GALNT17: variants seen among roughly 807,000 people sequenced by gnomAD.
GALNT17 encodes the protein UDP-GalNAc:polypeptide N-acetylgalactosaminyltransferase-like 3.
In GALNT17, 29 loss-of-function variants were observed where a neutral mutation model predicts 63.7. That is an observed-to-expected ratio of 0.46 (90% CI 0.34 to 0.62). The LOEUF (loss-of-function observed/expected upper bound fraction) is 0.62, where lower values mean the gene tolerates loss of function less well. Among genes scored for constraint, GALNT17 ranks in the 20% least tolerant of loss-of-function variants. The probability of loss-of-function intolerance (pLI) is 0.01; values close to 1 mark genes in which losing one functional copy is unlikely to be tolerated. For synonymous variants in GALNT17, 305 were observed against 318.3 expected, an observed-to-expected ratio of 0.96 and a Z score of 0.45; for missense variants, 603 against 799.6, an observed-to-expected ratio of 0.75 and a Z score of 2.97.
In GALNT17 at chr7:71,603,712, C is replaced by T. The variant is rs192024440; in HGVS notation, c.1080+32310C>T. On this transcript the variant is annotated intron_variant, in intron 6 of 10. Transcript: ENST00000333538. ...TATGCTAAGTGCATATGCTGGATAC[C>T]ATGCTAAGTGCATACACTGGATACT... Among the ~76,000 whole-genome samples the T allele has an allele frequency of 3.2e-3, 473 of 148,622 alleles. 3 individuals are homozygous for T. The highest frequency in any genetic ancestry group is 0.016 in the Middle Eastern group (4 of 246).
intron 1 of GALNT17, among the ~76,000 whole-genome samples, chr7:71,316,448 T>C (rs897745867): frequency 6.6e-6 from 1 of 152,200 alleles, no homozygotes; most frequent in Non-Finnish European, 1.5e-5. Flanking sequence ...ATCCATAATT[T>C]GGTTGTGTTG....
chr7:71,234,921 C>T (rs73367939), intron 1 of GALNT17, among the ~76,000 whole-genome samples: 5,938 of 152,182 alleles, frequency 0.039, 374 homozygotes, highest in African/African-American at 0.13. Context: ...ATGCAGAGGA[C>T]GCTGGAGGTT....
intron 1 of GALNT17, among the ~76,000 whole-genome samples, chr7:71,329,476 C>T (rs61211862): frequency 0.087 from 13,297 of 151,998 alleles, 1,317 homozygotes; most frequent in African/African-American, 0.23. Context: ...TGTATTAGTC[C>T]GTTCTCCTAC....
At chr7:71,337,987 C>T (rs529935551) in intron 2 of GALNT17, among the ~76,000 whole-genome samples, 2 of 151,998 alleles carry the variant, frequency 1.3e-5, no homozygotes, top group African/African-American at 2.4e-5. Context: ...ATCGCTTGAG[C>T]CCAGGAGTTC....
intron 5 of GALNT17, among the ~76,000 whole-genome samples, chr7:71,524,109 T>C (rs1232529723): frequency 6.6e-6 from 1 of 151,072 alleles, no homozygotes; most frequent in Admixed American, 6.6e-5. Context: ...AGAGCGAGAA[T>C]GTGTCTCAAA....
intron 5 of GALNT17, among the ~76,000 whole-genome samples, chr7:71,544,124 C>CTTT (rs60144462): frequency 1.7e-4 from 23 of 132,436 alleles, no homozygotes; most frequent in East Asian, 4.8e-4. Flanking sequence ...TTTCTTTTTT[C>CTTT]TTTTTTTTTT....
intron 6 of GALNT17, among the ~76,000 whole-genome samples, chr7:71,587,104 T>C (rs535223870): frequency 6.6e-6 from 1 of 152,298 alleles, no homozygotes; most frequent in East Asian, 1.9e-4. Flanking sequence ...CTCAGCTCAC[T>C]GCAACCTCTG....
intron 1 of GALNT17, among the ~76,000 whole-genome samples, chr7:71,181,969 C>T (rs1031060024): frequency 4.6e-5 from 7 of 151,954 alleles, no homozygotes; most frequent in Non-Finnish European, 5.9e-5. Context: ...GGAGGTTGGG[C>T]GTTCAAGACC....
At chr7:71,205,508 G>A (rs769163507) in intron 1 of GALNT17, among the ~76,000 whole-genome samples, 5 of 151,974 alleles carry the variant, frequency 3.3e-5, no homozygotes, top group Admixed American at 2.0e-4. Context: ...TTGCAGCCTC[G>A]AACTCCTGGG....
At chr7:71,513,131 G>A (rs539788838) in intron 5 of GALNT17, among the ~76,000 whole-genome samples, 1 of 152,138 alleles carries the variant, frequency 6.6e-6, no homozygotes, top group Non-Finnish European at 1.5e-5. Flanking sequence ...TTATGGATTG[G>A]GCCGTTCCCT....
intron 2 of GALNT17, among the ~76,000 whole-genome samples, chr7:71,385,795 G>T (rs527464209): frequency 6.6e-6 from 1 of 152,180 alleles, no homozygotes; most frequent in South Asian, 2.1e-4. Flanking sequence ...GGCTGGGTGC[G>T]GTGGCTCATG....
chr7:71,531,618 T>G (rs1043674932), intron 5 of GALNT17, among the ~76,000 whole-genome samples: 17 of 152,290 alleles, frequency 1.1e-4, no homozygotes, highest in African/African-American at 4.1e-4. Flanking sequence ...AGATTATATT[T>G]TTGAGACAGG....
intron 1 of GALNT17, among the ~76,000 whole-genome samples, chr7:71,282,987 A>C (rs112816986): frequency 0.036 from 5,409 of 151,910 alleles, 341 homozygotes; most frequent in African/African-American, 0.12. Flanking sequence ...TAGCTGGGGG[A>C]TCTGCTCAGA....
chr7:71,441,474 T>C (rs983898570), intron 5 of GALNT17, among the ~76,000 whole-genome samples: 2 of 152,192 alleles, frequency 1.3e-5, no homozygotes, highest in African/African-American at 4.8e-5. Context: ...TTCTTTTTCT[T>C]TTTTTAATTT....
In GALNT17 at chr7:71,340,994, C is replaced by T. The variant is rs142619485; in HGVS notation, c.422+5261C>T. 2.1e-3 allele frequency among the ~76,000 whole-genome samples: 322 copies of T among 152,148 alleles called. 3 individuals are homozygous for T. Among genetic ancestry groups the T allele is most frequent in the African/African-American group, 7.3e-3 (304 of 41,506 alleles). ...TAGAGGTTGCAGTGAGCCCAGATTGCGCCACTGCACTCCAGCCTGGGCAAC... is the reference window on the plus strand; with the variant it reads ...TAGAGGTTGCAGTGAGCCCAGATTGTGCCACTGCACTCCAGCCTGGGCAAC... On this transcript the variant is annotated intron_variant, in intron 2 of 10. Transcript: ENST00000333538.
At chr7:71,656,221 C>T (rs1381028436) in intron 6 of GALNT17, among the ~76,000 whole-genome samples, 1 of 152,032 alleles carries the variant, frequency 6.6e-6, no homozygotes, top group East Asian at 1.9e-4. Context: ...TTTGCACGCC[C>T]ACATGCTGGC....
intron 1 of GALNT17, among the ~76,000 whole-genome samples, chr7:71,329,505 G>A (rs1349283200): frequency 1.3e-5 from 2 of 152,050 alleles, no homozygotes; most frequent in Non-Finnish European, 2.9e-5. Context: ...AAAACTACCC[G>A]AGACTGTGTA....
chr7:71,536,208 A>G (rs932857382), intron 5 of GALNT17, among the ~76,000 whole-genome samples: 1 of 152,126 alleles, frequency 6.6e-6, no homozygotes, highest in Non-Finnish European at 1.5e-5. Flanking sequence ...GCAGGCTCGC[A>G]TTTACCCAGG....
intron 5 of GALNT17, among the ~76,000 whole-genome samples, chr7:71,518,791 T>A (rs1400334885): frequency 2.0e-5 from 3 of 152,222 alleles, no homozygotes; most frequent in Non-Finnish European, 1.5e-5. Flanking sequence ...CGGAAGATTC[T>A]CTGGGTTCCA....
Sources: gnomAD v4.1 joint callset for allele counts (sites outside exome capture counted in the v4.1 genomes callset) on GRCh38, gnomAD v4.1.1 for gene constraint, MANE v1.5 for transcripts, NCBI Gene and HGNC (gene_info 2026-07-23, HGNC 2026-07-21) for gene names.